Variants in LSAMP observed in about 807,000 individuals in gnomAD.
The protein encoded by LSAMP is limbic system associated membrane protein.
In LSAMP, 7 loss-of-function variants were observed where a neutral mutation model predicts 38.6. The ratio of observed to expected loss-of-function variants is 0.18; its 90% CI spans 0.10 to 0.34. The LOEUF (loss-of-function observed/expected upper bound fraction) is 0.34, where lower values mean the gene tolerates loss of function less well. Ranked by LOEUF, LSAMP falls within the 10% of genes least tolerant of loss-of-function variation. The pLI is 1.00. For missense variants in LSAMP, 313 were observed against 420.0 expected (o/e 0.75, Z 2.23); for synonymous variants, 154 against 166.8 (o/e 0.92, Z 0.59).
intron 1 of LSAMP, among the ~76,000 whole-genome samples, chr3:116,315,756 G>A (rs2047620375): frequency 6.6e-6 from 1 of 152,090 alleles, no homozygotes; most frequent in Non-Finnish European, 1.5e-5. Flanking sequence ...ATAACTCCAG[G>A]AGGTGTGTAC....
intron 1 of LSAMP, among the ~76,000 whole-genome samples, chr3:116,143,513 G>A (rs189131365): frequency 1.3e-5 from 2 of 151,812 alleles, no homozygotes; most frequent in African/African-American, 2.4e-5. Flanking sequence ...GGATGAATAC[G>A]CTGTTCTCCA....
At chr3:115,873,533 T>C (rs1171691156) in intron 3 of LSAMP, among the ~76,000 whole-genome samples, 2 of 152,048 alleles carry the variant, frequency 1.3e-5, no homozygotes, top group South Asian at 2.1e-4. Context: ...ATATGAGCTA[T>C]TTAGTAATTA....
intron 3 of LSAMP, among the ~76,000 whole-genome samples, chr3:116,010,041 C>T (rs1197429279): frequency 3.9e-5 from 6 of 152,066 alleles, no homozygotes; most frequent in African/African-American, 1.4e-4. Flanking sequence ...CTCAGCCTCC[C>T]AAGTAGCTGG....
intron 6 of LSAMP, among the ~76,000 whole-genome samples, chr3:115,836,058 C>T (rs1237834926): frequency 1.3e-5 from 2 of 152,088 alleles, no homozygotes; most frequent in East Asian, 1.9e-4. Context: ...TTAAATGACT[C>T]AGCTTAATAT....
At chr3:116,290,355 A>G (rs575141487) in intron 1 of LSAMP, among the ~76,000 whole-genome samples, 2 of 152,312 alleles carry the variant, frequency 1.3e-5, no homozygotes, top group East Asian at 3.9e-4. Context: ...ATTCAAAAAC[A>G]AGTGGATATT....
chr3:116,117,933 A>G (rs538812446), intron 1 of LSAMP, among the ~76,000 whole-genome samples: 3 of 145,532 alleles, frequency 2.1e-5, no homozygotes, highest in African/African-American at 5.7e-5. Context: ...TTTATTTCGT[A>G]TATCTTTTTT....
intron 3 of LSAMP, among the ~76,000 whole-genome samples, chr3:115,923,885 A>G (rs1162339125): frequency 6.6e-6 from 1 of 152,172 alleles, no homozygotes; most frequent in African/African-American, 2.4e-5. Context: ...ATAACATTGT[A>G]TTATAATAGG....
chr3:115,815,644 A>G (rs1458183900), intron 6 of LSAMP, among the ~76,000 whole-genome samples: 10 of 152,240 alleles, frequency 6.6e-5, no homozygotes. Context: ...ATAAAAAACA[A>G]TGCTATGCCT....
In LSAMP at chr3:116,071,060, TAAATA is replaced by T. The variant is rs1559731027; in HGVS notation, c.388+15259_388+15263del. ...CATCTCAAAATAAATAAATAATAAA[TAAATA>T]AATAAATAAATAAATAAATAAATAA... On this transcript the variant is annotated intron_variant, in intron 2 of 6. Transcript: ENST00000490035. Among the ~76,000 whole-genome samples the T allele has an allele frequency of 2.8e-5, 4 of 144,396 alleles. No homozygotes were observed. The East Asian group carries it at 6.0e-4, about 21-fold the overall frequency. The allele number at this position is 144,396 out of a possible 152,430, so 94.7% of individuals were successfully genotyped here.
At chr3:116,310,650 A>C (rs1249812119) in intron 1 of LSAMP, among the ~76,000 whole-genome samples, 1 of 152,160 alleles carries the variant, frequency 6.6e-6, no homozygotes, top group African/African-American at 2.4e-5. Context: ...ATATTTACTA[A>C]ATGATGAGTA....
chr3:115,810,273 G>A lies in LSAMP; in HGVS notation c.*44C>T, dbSNP rs202218996. 9.4e-5 allele frequency: 119 copies of A among 1,271,982 alleles called. No homozygotes were observed. Among genetic ancestry groups the A allele is most frequent in the South Asian group, 3.8e-4 (29 of 76,182 alleles). 78.8% of individuals were successfully genotyped at this position (1,271,982 alleles called of 1,614,324 possible). On this transcript the variant is annotated 3_prime_UTR_variant, in exon 7 of 7. Coordinates refer to ENST00000490035, the MANE Select transcript of LSAMP (RefSeq NM_002338.5). ...TCTCTCTCTCTGTATTCTGTGTGAC[G>A]CATTTTTGTGTGTTTTTTAAATTAT...
At chr3:116,150,165 T>C (rs1709579263) in intron 1 of LSAMP, among the ~76,000 whole-genome samples, 1 of 152,068 alleles carries the variant, frequency 6.6e-6, no homozygotes, top group African/African-American at 2.4e-5. Flanking sequence ...TTTAATACAC[T>C]TGCTTTTCAC....
At chr3:115,834,999 G>A (rs1380832288) in intron 6 of LSAMP, among the ~76,000 whole-genome samples, 1 of 152,046 alleles carries the variant, frequency 6.6e-6, no homozygotes, top group African/African-American at 2.4e-5. Context: ...ATAGATGAAC[G>A]TGTGTCAGCT....
chr3:116,261,532 T>C (rs1259177560), intron 1 of LSAMP, among the ~76,000 whole-genome samples: 1 of 152,214 alleles, frequency 6.6e-6, no homozygotes, highest in Admixed American at 6.5e-5. Context: ...TCCATCTTTC[T>C]CATATCTTTG....
At chr3:116,264,729 G>C (rs796716193) in intron 1 of LSAMP, among the ~76,000 whole-genome samples, 17 of 152,208 alleles carry the variant, frequency 1.1e-4, no homozygotes, top group African/African-American at 4.1e-4. Context: ...AGCCATACCA[G>C]TAGCTGGGAC....
intron 4 of LSAMP, 33 bp downstream of exon 4, chr3:115,852,449 GC>G: frequency 6.3e-7 from 1 of 1,579,394 alleles, no homozygotes. Context: ...TGCACCCTGG[GC>G]ACCTAGCACC....
chr3:116,233,600 C>G (rs1244259772), intron 1 of LSAMP, among the ~76,000 whole-genome samples: 4 of 151,970 alleles, frequency 2.6e-5, no homozygotes. Flanking sequence ...CACCTATTAA[C>G]CAACCGCTCT....
intron 3 of LSAMP, among the ~76,000 whole-genome samples, chr3:115,931,823 A>T (rs1311538198): frequency 2.0e-5 from 3 of 152,170 alleles, no homozygotes; most frequent in Non-Finnish European, 4.4e-5. Flanking sequence ...GTGACTCAGA[A>T]ATGTTGAGTA....
At chr3:116,431,080 T>C (rs1187937410) in intron 1 of LSAMP, among the ~76,000 whole-genome samples, 3 of 152,104 alleles carry the variant, frequency 2.0e-5, no homozygotes, top group Admixed American at 1.3e-4. Context: ...GCTATCCCCT[T>C]ATCTTTGTCT....
Sources: allele counts gnomAD v4.1 joint callset (sites outside exome capture counted in the v4.1 genomes callset), GRCh38; gene constraint gnomAD v4.1.1; transcripts MANE v1.5; gene names NCBI Gene and HGNC (gene_info 2026-07-23, HGNC 2026-07-21).